The following EXOC3 variants were observed in gnomAD, a reference collection of about 807,000 sequenced individuals.
The protein encoded by EXOC3 is exocyst complex component 3, also known as SEC6-like 1.
Under a neutral mutation model 73.7 loss-of-function variants are expected in EXOC3, and 21 were observed. The ratio of observed to expected loss-of-function variants is 0.29; its 90% CI spans 0.20 to 0.41. EXOC3 has a LOEUF of 0.41. Among genes scored for constraint, EXOC3 ranks in the 10% least tolerant of loss-of-function variants. The pLI is 1.00. For synonymous variants in EXOC3, 410 were observed against 389.1 expected, an observed-to-expected ratio of 1.05 and a Z score of -0.63; for missense variants, 842 against 985.1, an observed-to-expected ratio of 0.85 and a Z score of 1.95.
chr5:459,709 G>A (rs1044170958), intron 7 of EXOC3: 7 of 299,932 alleles, frequency 2.3e-5, no homozygotes, highest in South Asian at 9.1e-5. Flanking sequence ...GCGATGCGCC[G>A]GATGACACCA....
intron 1 of EXOC3, among the ~76,000 whole-genome samples, chr5:445,413 G>A (rs1030560860): frequency 2.0e-5 from 3 of 149,496 alleles, no homozygotes; most frequent in Middle Eastern, 3.4e-3. Context: ...GCAGTGGCGC[G>A]ATCTCGGCTG....
rs1442799691 is a variant in EXOC3 at position 456,870 on chromosome 5, A to G, written c.1047-19A>G. ...GTGTCTGTCGTGGTTTGTCACTCAC[A>G]TTCCTGGTTCCCCCATAGTACTGAG... On this transcript the variant is annotated intron_variant, in intron 4 of 12. Coordinates refer to ENST00000512944, the MANE Select transcript of EXOC3 (RefSeq NM_007277.5). 1.3e-6 allele frequency: 2 copies of G among 1,594,074 alleles called. No homozygotes were observed. Among genetic ancestry groups the G allele is most frequent in the East Asian group, 2.2e-5 (1 of 44,806 alleles).
In EXOC3 at chr5:453,756, A is replaced by C; in HGVS notation, c.751A>C (p.Ile251Leu). The change falls in exon 4 of 13, where the codon ATC (isoleucine) becomes CTC (leucine). Residue 251 changes from isoleucine to leucine, a missense_variant. Ile to Leu is a conservative substitution (Grantham distance 5). Coordinates refer to ENST00000512944, the MANE Select transcript of EXOC3 (RefSeq NM_007277.5). ...PKNWKEKMFT[I>L]LERTVTTRIE... ...GAATTGGAAGGAGAAAATGTTCACCATCTTGGAGAGGACTGTGACCACCAG... is the reference window on the plus strand; with the variant it reads ...GAATTGGAAGGAGAAAATGTTCACCCTCTTGGAGAGGACTGTGACCACCAG... The C allele has an allele frequency of 6.2e-7, 1 of 1,613,990 alleles. No homozygotes were observed.
At chr5:443,838 ACAGGTGTCCCCCCTCGGAC>A (rs1487309847) in intron 1 of EXOC3, among the ~76,000 whole-genome samples, 1 of 150,968 alleles carries the variant, frequency 6.6e-6, no homozygotes, top group Non-Finnish European at 1.5e-5. Context: ...CCTTCCTGGC[ACAGGTGTCCCCCCTCGGAC>A]CAGGTGTCCC....
chr5:459,888 T>C (rs1304438063), intron 7 of EXOC3, among the ~76,000 whole-genome samples: 1 of 152,218 alleles, frequency 6.6e-6, no homozygotes, highest in East Asian at 1.9e-4. Context: ...ACCCTCCCCA[T>C]GAGTTGTTGA....
At chr5:452,616 A>G (rs937470006) in intron 3 of EXOC3, among the ~76,000 whole-genome samples, 2 of 152,174 alleles carry the variant, frequency 1.3e-5, no homozygotes, top group Non-Finnish European at 2.9e-5. Context: ...TGGACACTTG[A>G]ATCGAATAAT....
At chr5:465,961 G>A (rs1560941654) in intron 12 of EXOC3, 116 bp downstream of exon 12, 4 of 1,151,554 alleles carry the variant, frequency 3.5e-6, no homozygotes, top group Admixed American at 2.3e-5. Flanking sequence ...CTGCAGCACG[G>A]CAAGGGTTCA....
chr5:462,463 C>T (rs1446423877), intron 9 of EXOC3, 156 bp downstream of exon 9: 6 of 738,784 alleles, frequency 8.1e-6, no homozygotes, highest in South Asian at 3.5e-5. Context: ...AAAGCGCCTC[C>T]GTTTTCGGTG....
intron 1 of EXOC3, among the ~76,000 whole-genome samples, chr5:443,530 A>G (rs1737405999): frequency 6.6e-6 from 1 of 150,700 alleles, no homozygotes; most frequent in South Asian, 2.1e-4. Context: ...CCCTTGGCAC[A>G]TGTGTCCCCA....
intron 12 of EXOC3, 104 bp from the exon 13 acceptor site, chr5:466,623 C>A (rs1463485599): frequency 2.6e-6 from 3 of 1,166,022 alleles, no homozygotes; most frequent in Non-Finnish European, 3.6e-6. Flanking sequence ...CGGTCCTCAC[C>A]CCCTGTGTTC....
At chr5:456,815 C>G (rs1737830632) in intron 4 of EXOC3, 74 bp from the exon 5 acceptor site, 1 of 1,134,102 alleles carries the variant, frequency 8.8e-7, no homozygotes, top group South Asian at 1.3e-5. Context: ...TCAAGTGAAA[C>G]AGTCTCGGCA....
rs973314947 is a variant in EXOC3 at position 446,220 on chromosome 5, C to T, written c.15C>T (p.Asp5=). 4.3e-6 allele frequency: 7 copies of T among 1,613,884 alleles called. No homozygotes were observed. The highest frequency in any genetic ancestry group is 1.3e-5 in the African/African-American group (1 of 74,922). Residue 5 remains aspartate (D), a synonymous_variant, in exon 2 of 13, where the codon GAC becomes GAT. Transcript: ENST00000512944. MKET[D]REAVATAVQR... is the part of the protein sequence containing the mutation. ...GCTTTTTCACCATGAAGGAGACAGA[C>T]CGGGAGGCCGTTGCGACAGCAGTGC...
intron 2 of EXOC3, 38 bp downstream of exon 2, chr5:446,387 G>T: frequency 2.0e-6 from 3 of 1,531,312 alleles, no homozygotes; most frequent in Non-Finnish European, 2.6e-6. Flanking sequence ...TCTGTCTTGG[G>T]CTTCAGGTTC....
At position 462,038 on chromosome 5, in the gene EXOC3, G is replaced by C. The variant is rs1223104999; in HGVS notation, c.1470G>C (p.Met490Ile). ...ACCCTCACTGCTACGTTCAGTACAT[G>C]ATCGCCATCATCAACAACTGCCAGA... ...RQHPHCYVQY[M>I]IAIINNCQTF... Residue 490 changes from methionine (M) to isoleucine (I), a missense_variant, in exon 8 of 13, where the codon ATG becomes ATC. Transcript: ENST00000512944. The C allele has an allele frequency of 6.2e-7, 1 of 1,609,682 alleles. No individual in the cohort carries two copies. The highest frequency in any genetic ancestry group is 8.5e-7 in the Non-Finnish European group (1 of 1,177,900).
At chr5:445,812 G>A (rs13172987) in intron 1 of EXOC3, among the ~76,000 whole-genome samples, 5,181 of 152,240 alleles carry the variant, frequency 0.034, 134 homozygotes, top group East Asian at 0.1. Flanking sequence ...GAAAGCTCCC[G>A]AAATGAGAAA....
At chr5:462,112 C>T (rs749679505) in intron 8 of EXOC3, 42 bp downstream of exon 8, 36 of 1,601,942 alleles carry the variant, frequency 2.2e-5, no homozygotes, top group Non-Finnish European at 2.8e-5. Flanking sequence ...CGGTGGAGGC[C>T]GGCCTGCCCA....
intron 6 of EXOC3, among the ~76,000 whole-genome samples, chr5:458,568 C>T (rs1737890440): frequency 1.3e-5 from 2 of 152,214 alleles, no homozygotes; most frequent in African/African-American, 4.8e-5. Context: ...ATTAGACCGA[C>T]CTGCATTTTT....
chr5:449,974 G>A (rs578093833), intron 3 of EXOC3, among the ~76,000 whole-genome samples: 276 of 152,328 alleles, frequency 1.8e-3, no homozygotes, highest in Non-Finnish European at 2.9e-3. Context: ...GGCTGGGTGC[G>A]GTGGCTCACG....
chr5:446,180 G>T lies in EXOC3; in HGVS notation c.-26G>T. On this transcript the variant is annotated 5_prime_UTR_variant, in exon 2 of 13. Transcript: ENST00000512944. The stretch of plus-strand genomic sequence containing the variant: ...AGAGAACACCCCTAGCATGAACAGT[G>T]TGAGGATTCCACCAGCTTTTTCACC... 6.2e-7 allele frequency: 1 copy of T among 1,613,846 alleles called. No individual in the cohort carries two copies. The highest frequency in any genetic ancestry group is 8.5e-7 in the Non-Finnish European group (1 of 1,179,800).
Sources: gnomAD v4.1 joint callset for allele counts (sites outside exome capture counted in the v4.1 genomes callset) on GRCh38, gnomAD v4.1.1 for gene constraint, MANE v1.5 for transcripts, NCBI Gene and HGNC (gene_info 2026-07-23, HGNC 2026-07-21) for gene names.